The following SMIM31 variants were observed in gnomAD, a reference collection of about 807,000 sequenced individuals.
SMIM31 encodes human epithelial cell program regulator.
chr4:164,795,222 G>C (rs994870796), intron 2 of SMIM31, among the ~76,000 whole-genome samples: 1 of 152,072 alleles, frequency 6.6e-6, no homozygotes, highest in African/African-American at 2.4e-5. Flanking sequence ...TAATATCACT[G>C]AGCCTCAGTT....
intron 2 of SMIM31, among the ~76,000 whole-genome samples, chr4:164,773,649 T>G (rs1732842353): frequency 6.6e-6 from 1 of 152,162 alleles, no homozygotes; most frequent in African/African-American, 2.4e-5. Flanking sequence ...ACGTGGGGAT[T>G]ATGAGCACTG....
chr4:164,789,252 T>G (rs1217752030), intron 2 of SMIM31, among the ~76,000 whole-genome samples: 1 of 152,204 alleles, frequency 6.6e-6, no homozygotes, highest in Non-Finnish European at 1.5e-5. Flanking sequence ...AACAGGTCTG[T>G]CAGCAGCATT....
rs1732785999 is a variant in SMIM31 at position 164,770,489 on chromosome 4, G to C, written c.46G>C (p.Ala16Pro). 2 of 398,814 alleles carry C rather than the reference G, an allele frequency of 5.0e-6. No homozygotes were observed. The highest frequency in any genetic ancestry group is 2.5e-4 in the South Asian group (2 of 7,850). The allele number at this position is 398,814 out of a possible 1,614,324, so 24.7% of individuals were successfully genotyped here. ...CTTGGAAATGGCATTCATTTTATTG[G>C]CTTTTGTTATCTTTTCCTTATTTAC... is the stretch of plus-strand genomic sequence containing the variant. ...TNLEMAFILL[A>P]FVIFSLFTLA... The change falls in exon 2 of 3, where the codon GCT becomes CCT. Residue 16 changes from alanine (A) to proline (P), a missense_variant. Transcript: ENST00000507311.
rs72177805 is a variant in SMIM31 at position 164,788,478 on chromosome 4, C to CTTTTTTTTTTTTTTTTTTTTTTTTTTTT, written c.113-12612_113-12585dup. The stretch of plus-strand genomic sequence containing the variant: ...ATAAAATTTCTTTCTTCTAATTTTT[C>CTTTTTTTTTTTTTTTTTTTTTTTTTTTT]TTTTTTTTTTTTTTTTTTTTTTTTT... On this transcript the variant is annotated intron_variant, in intron 2 of 2. Transcript: ENST00000507311. Among the ~76,000 whole-genome samples the CTTTTTTTTTTTTTTTTTTTTTTTTTTTT allele has an allele frequency of 1.2e-3, 71 of 58,192 alleles. 19 individuals carry two copies. Among genetic ancestry groups the CTTTTTTTTTTTTTTTTTTTTTTTTTTTT allele is most frequent in the Non-Finnish European group, 1.7e-3 (52 of 31,092 alleles). The allele number at this position is 58,192 out of a possible 152,430, so 38.2% of individuals were successfully genotyped here.
chr4:164,781,768 A>G (rs1732952385), intron 2 of SMIM31, among the ~76,000 whole-genome samples: 1 of 152,204 alleles, frequency 6.6e-6, no homozygotes, highest in Non-Finnish European at 1.5e-5. Context: ...AGCCAACTTC[A>G]TAAGATTACA....
intron 1 of SMIM31, among the ~76,000 whole-genome samples, chr4:164,769,742 TAAAA>T (rs57603306): frequency 7.0e-6 from 1 of 143,140 alleles, no homozygotes; most frequent in Non-Finnish European, 1.5e-5. Context: ...ACTTAAAGTA[TAAAA>T]AAAAAAAAAA....
intron 1 of SMIM31, among the ~76,000 whole-genome samples, chr4:164,766,228 T>C (rs1489293016): frequency 6.6e-6 from 1 of 152,224 alleles, no homozygotes; most frequent in East Asian, 1.9e-4. Flanking sequence ...TCTTGTCCTC[T>C]GGGTGGGATT....
chr4:164,799,354 C>T (rs1004197102), intron 2 of SMIM31, among the ~76,000 whole-genome samples: 23 of 151,942 alleles, frequency 1.5e-4, no homozygotes, highest in African/African-American at 5.6e-4. Context: ...CACTGCACTC[C>T]AGCCTGGGCA....
At chr4:164,760,570 A>T (rs566600813) in intron 1 of SMIM31, among the ~76,000 whole-genome samples, 16,580 of 147,078 alleles carry the variant, frequency 0.11, 996 homozygotes, top group African/African-American at 0.15. Flanking sequence ...AACTCTACTA[A>T]AAAAAAAAAA....
intron 1 of SMIM31, among the ~76,000 whole-genome samples, chr4:164,761,694 G>A (rs1256427302): frequency 6.6e-6 from 1 of 151,890 alleles, no homozygotes; most frequent in East Asian, 1.9e-4. Context: ...CAAAGAGGGT[G>A]TCTCACGAGG....
At chr4:164,766,381 C>T (rs17045475) in intron 1 of SMIM31, among the ~76,000 whole-genome samples, 12,180 of 152,100 alleles carry the variant, frequency 0.08, 1,379 homozygotes, top group African/African-American at 0.25. Flanking sequence ...TTTATGGTCA[C>T]TCAGTGAATA....
chr4:164,767,407 T>C (rs1732734429), intron 1 of SMIM31, among the ~76,000 whole-genome samples: 1 of 152,200 alleles, frequency 6.6e-6, no homozygotes, highest in Non-Finnish European at 1.5e-5. Context: ...ATTTTTATCA[T>C]ACAAAAATAA....
intron 2 of SMIM31, among the ~76,000 whole-genome samples, chr4:164,793,792 T>C (rs1452489618): frequency 6.6e-6 from 1 of 152,086 alleles, no homozygotes; most frequent in African/African-American, 2.4e-5. Flanking sequence ...GCATCTGAAT[T>C]TGGGGCTAAG....
Position 164,772,041 on chromosome 4 carries a change from A to G in SMIM31, c.112+1486A>G, listed in dbSNP as rs1732809412. On this transcript the variant is annotated intron_variant, in intron 2 of 2. Coordinates refer to ENST00000507311, the MANE Select transcript of SMIM31 (RefSeq NM_001352885.1). ...AGGAGCTATATTAATTCATTCTTGC[A>G]CTGCTATAAAGAAATACCTGAGACT... 2.0e-5 allele frequency among the ~76,000 whole-genome samples: 3 copies of G among 152,336 alleles called. No homozygotes were observed. In the South Asian group the frequency reaches 6.2e-4, roughly 32 times the overall value.
intron 1 of SMIM31, among the ~76,000 whole-genome samples, chr4:164,764,865 G>A (rs551017897): frequency 3.9e-5 from 6 of 152,236 alleles, no homozygotes; most frequent in Admixed American, 2.0e-4. Context: ...GGAATCACAT[G>A]GTAATAGTTA....
chr4:164,780,170 A>G (rs577594270), intron 2 of SMIM31, among the ~76,000 whole-genome samples: 12 of 152,282 alleles, frequency 7.9e-5, no homozygotes, highest in African/African-American at 2.4e-4. Flanking sequence ...GCTCACACCT[A>G]TAATCCCAGC....
chr4:164,773,033 A>T (rs1162298443), intron 2 of SMIM31, among the ~76,000 whole-genome samples: 1 of 36,198 alleles, frequency 2.8e-5, no homozygotes, highest in African/African-American at 1.8e-4. Flanking sequence ...TGGCTTTAAA[A>T]AAAAAAAAAA....
chr4:164,768,925 T>A (rs9308091), intron 1 of SMIM31, among the ~76,000 whole-genome samples: 1 of 151,826 alleles, frequency 6.6e-6, no homozygotes, highest in Non-Finnish European at 1.5e-5. Context: ...GCATCTCTAC[T>A]AACCACAATG....
intron 1 of SMIM31, among the ~76,000 whole-genome samples, chr4:164,759,235 T>G (rs1317556854): frequency 6.6e-6 from 1 of 152,170 alleles, no homozygotes; most frequent in East Asian, 1.9e-4. Flanking sequence ...CATAAAATGA[T>G]TAGGAATTAT....
Sources: allele counts gnomAD v4.1 joint callset (sites outside exome capture counted in the v4.1 genomes callset), GRCh38; gene constraint gnomAD v4.1.1; transcripts MANE v1.5; gene names NCBI Gene and HGNC (gene_info 2026-07-23, HGNC 2026-07-21).